The following ANO10 variants were observed in gnomAD, a reference collection of about 807,000 sequenced individuals.
The protein encoded by ANO10 is anoctamin 10.
ANO10 carries 77 observed loss-of-function variants against 74.7 expected under a neutral mutation model. That is an observed-to-expected ratio of 1.03 (90% CI 0.86 to 1.25). The LOEUF is 1.25. Ranked by LOEUF, ANO10 falls within the 50% of genes most tolerant of loss-of-function variation. The pLI is 0.00. For synonymous variants in ANO10, 279 were observed against 284.9 expected (o/e 0.98, Z 0.21); for missense variants, 721 against 778.1 (o/e 0.93, Z 0.87).
intron 1 of ANO10, among the ~76,000 whole-genome samples, chr3:43,606,087 G>A (rs919463450): frequency 8.5e-5 from 13 of 152,160 alleles, no homozygotes; most frequent in African/African-American, 2.7e-4. Flanking sequence ...AAGCAGCTCA[G>A]AATGCAGCAG....
In ANO10 at chr3:43,455,567, A is replaced by T. The variant is rs146378136; in HGVS notation, c.1798-22840T>A. Among the ~76,000 whole-genome samples, 840 of 152,268 alleles carry T rather than the reference A, an allele frequency of 5.5e-3. 5 individuals are homozygous for T. The highest frequency in any genetic ancestry group is 0.019 in the African/African-American group (802 of 41,534). ...CCAGGCTAGGTACTGTAAATCAACT[A>T]GTTAGCAGGATAGGAGGGCAGTCTT... On this transcript the variant is annotated intron_variant, in intron 11 of 12. Transcript: ENST00000292246.
chr3:43,559,477 C>A (rs1385588564), intron 9 of ANO10, among the ~76,000 whole-genome samples: 1 of 152,088 alleles, frequency 6.6e-6, no homozygotes, highest in African/African-American at 2.4e-5. Context: ...TTGCAGAAAA[C>A]TGTGAGGGGA....
At chr3:43,658,209 TAAAGA>T (rs112301192) in intron 1 of ANO10, among the ~76,000 whole-genome samples, 15,971 of 152,018 alleles carry the variant, frequency 0.11, 1,770 homozygotes, top group African/African-American at 0.28. Flanking sequence ...TTATGTATCT[TAAAGA>T]AGTATTTTTA....
chr3:43,654,871 CTTATGT>C (rs2083829620), intron 1 of ANO10, among the ~76,000 whole-genome samples: 1 of 152,152 alleles, frequency 6.6e-6, no homozygotes, highest in African/African-American at 2.4e-5. Context: ...GATTTTGTAC[CTTATGT>C]TTATATGTTC....
At chr3:43,394,003 G>C (rs1177767364) in intron 12 of ANO10, among the ~76,000 whole-genome samples, 5 of 152,096 alleles carry the variant, frequency 3.3e-5, no homozygotes, top group Non-Finnish European at 5.9e-5. Flanking sequence ...ACACCCCTGG[G>C]GGTGGGAAAA....
chr3:43,682,632 G>C (rs2084216584), intron 1 of ANO10, among the ~76,000 whole-genome samples: 1 of 152,112 alleles, frequency 6.6e-6, no homozygotes, highest in South Asian at 2.1e-4. Context: ...AACAAAAAAA[G>C]AGAAATTTAG....
chr3:43,690,974 C>G lies in ANO10; in HGVS notation c.-12+543G>C. 11 of 1,569,268 alleles carry G rather than the reference C, an allele frequency of 7.0e-6. No homozygotes were observed. The Middle Eastern group carries it at 5.1e-4, about 73-fold the overall frequency. On this transcript the variant is annotated intron_variant, in intron 1 of 3. Transcript: ENST00000413397. ...CAGCCGGCTTCGAGATAAGTCCCGG[C>G]GCTTGCGCGGCGGCGGCTATGGCGG... is the stretch of plus-strand genomic sequence containing the variant.
chr3:43,451,061 T>C (rs146350566), intron 11 of ANO10, among the ~76,000 whole-genome samples: 100 of 152,310 alleles, frequency 6.6e-4, no homozygotes, highest in Non-Finnish European at 2.1e-4. Context: ...TATCTGAAGT[T>C]TATAATGTCG....
At chr3:43,545,993 A>G (rs552942756) in intron 11 of ANO10, among the ~76,000 whole-genome samples, 41 of 152,346 alleles carry the variant, frequency 2.7e-4, no homozygotes, top group African/African-American at 9.6e-4. Flanking sequence ...GGTCTCAGCA[A>G]CACTAGAATA....
chr3:43,393,792 C>T (rs983061273), intron 12 of ANO10, among the ~76,000 whole-genome samples: 7 of 152,142 alleles, frequency 4.6e-5, no homozygotes, highest in African/African-American at 1.4e-4. Context: ...GTTACCTACA[C>T]CATGAAGGTT....
intron 12 of ANO10, among the ~76,000 whole-genome samples, chr3:43,417,313 G>C (rs1451075638): frequency 1.3e-5 from 2 of 152,160 alleles, no homozygotes; most frequent in Non-Finnish European, 2.9e-5. Context: ...AGACAAGATG[G>C]CGCTGGCCAA....
At chr3:43,606,474 G>T (rs934648784) in intron 1 of ANO10, among the ~76,000 whole-genome samples, 4 of 152,034 alleles carry the variant, frequency 2.6e-5, no homozygotes, top group African/African-American at 4.8e-5. Context: ...GATGTAGTCG[G>T]TAGGGAGCTA....
intron 11 of ANO10, among the ~76,000 whole-genome samples, chr3:43,437,870 A>C (rs1559543862): frequency 6.7e-6 from 1 of 149,630 alleles, no homozygotes; most frequent in South Asian, 2.1e-4. Context: ...CATCTGAAAA[A>C]AAAAAACAAA....
chr3:43,409,174 C>A (rs2092625140), intron 12 of ANO10, among the ~76,000 whole-genome samples: 1 of 152,166 alleles, frequency 6.6e-6, no homozygotes, highest in African/African-American at 2.4e-5. Flanking sequence ...CCACTACTAC[C>A]TCCACTGCCT....
In ANO10 at chr3:43,510,805, C is replaced by A. The variant is rs1013363708; in HGVS notation, c.1797+38915G>T. 2.0e-5 allele frequency among the ~76,000 whole-genome samples: 3 copies of A among 152,082 alleles called. No individual in the cohort carries two copies. The East Asian group carries it at 5.8e-4, about 29-fold the overall frequency. ...TGGTTCAACTGATGCTTAATTAAAC[C>A]CATCAAATTTACATAGACACTCTCT... On this transcript the variant is annotated intron_variant, in intron 11 of 12. Coordinates refer to ENST00000292246, the MANE Select transcript of ANO10 (RefSeq NM_018075.5).
chr3:43,594,551 C>G (rs999502308), intron 4 of ANO10, among the ~76,000 whole-genome samples: 1 of 152,164 alleles, frequency 6.6e-6, no homozygotes, highest in Non-Finnish European at 1.5e-5. Flanking sequence ...CAAAGGTGTT[C>G]TCTGAAACCA....
At chr3:43,572,916 G>C (rs1320826545) in intron 7 of ANO10, among the ~76,000 whole-genome samples, 6 of 151,746 alleles carry the variant, frequency 4.0e-5, no homozygotes, top group Non-Finnish European at 2.9e-5. Context: ...GGAAGGCTAA[G>C]AAACACCATC....
At chr3:43,690,881 G>A (rs766649239) in intron 1 of ANO10, 186 of 1,210,304 alleles carry the variant, frequency 1.5e-4, no homozygotes, top group Non-Finnish European at 1.9e-4. Context: ...GTGCGCGGAA[G>A]ACGCATGCGC....
At chr3:43,524,473 G>T (rs2078102865) in intron 11 of ANO10, among the ~76,000 whole-genome samples, 1 of 152,120 alleles carries the variant, frequency 6.6e-6, no homozygotes, top group Non-Finnish European at 1.5e-5. Flanking sequence ...GCAGTAATCT[G>T]GCCTGGCCCT....
Sources: allele counts gnomAD v4.1 joint callset (sites outside exome capture counted in the v4.1 genomes callset), GRCh38; gene constraint gnomAD v4.1.1; transcripts MANE v1.5; gene names NCBI Gene and HGNC (gene_info 2026-07-23, HGNC 2026-07-21).